Variants in MEGF10 observed in about 807,000 individuals in gnomAD.
MEGF10 encodes multiple epidermal growth factor-like domains protein 10.
In MEGF10, 86 loss-of-function variants were observed where a neutral mutation model predicts 147.5. That is an observed-to-expected ratio of 0.58 (90% confidence interval 0.49 to 0.70). MEGF10 has a LOEUF of 0.70. MEGF10 is among the 30% of genes least tolerant of loss of function. MEGF10 has a pLI of 0.00. For synonymous variants in MEGF10, 478 were observed against 525.5 expected, an observed-to-expected ratio of 0.91 and a Z score of 1.24; for missense variants, 1,329 against 1,487.3, an observed-to-expected ratio of 0.89 and a Z score of 1.75.
rs191468697 is a variant in MEGF10, at chr5:127,419,243, A to G, written c.1426+3A>G. Reference sequence around the variant, plus strand: ...CGGGTCTTGTACTTGCAAGGCAGGTAAGAATGGGTAAATAAGTCTTTAATT... The same window carrying G: ...CGGGTCTTGTACTTGCAAGGCAGGTGAGAATGGGTAAATAAGTCTTTAATT... On this transcript the variant is annotated splice_donor_region_variant and intron_variant, in intron 11 of 24. Coordinates refer to ENST00000503335, the MANE Select transcript of MEGF10 (RefSeq NM_001256545.2). The G allele has an allele frequency of 1.2e-6, 2 of 1,610,908 alleles. No homozygotes were observed. The highest frequency in any genetic ancestry group is 1.7e-5 in the Admixed American group (1 of 59,058).
chr5:127,430,065 A>G (rs1765343053), intron 13 of MEGF10, among the ~76,000 whole-genome samples: 1 of 151,980 alleles, frequency 6.6e-6, no homozygotes, highest in Non-Finnish European at 1.5e-5. Context: ...GAGCCTTGCC[A>G]CCACTGTTCC....
chr5:127,371,579 G>A (rs1336017541), intron 5 of MEGF10, among the ~76,000 whole-genome samples: 1 of 152,168 alleles, frequency 6.6e-6, no homozygotes, highest in African/African-American at 2.4e-5. Context: ...GGGCAAGAAT[G>A]CCACAGAATA....
intron 1 of MEGF10, among the ~76,000 whole-genome samples, chr5:127,318,103 T>C (rs1760636473): frequency 6.6e-6 from 1 of 152,144 alleles, no homozygotes; most frequent in Non-Finnish European, 1.5e-5. Flanking sequence ...AGTGCCCTTA[T>C]AAAAGAGACC....
chr5:127,383,600 C>T (rs922073201), intron 5 of MEGF10, among the ~76,000 whole-genome samples: 8 of 152,016 alleles, frequency 5.3e-5, no homozygotes, highest in Non-Finnish European at 8.8e-5. Flanking sequence ...TCTAAATACA[C>T]CCCCCAACAC....
rs181476848 is a variant in MEGF10, at chr5:127,422,139, A to G, written c.1591-531A>G. Among the ~76,000 whole-genome samples the G allele has an allele frequency of 1.7e-3, 257 of 152,316 alleles. 1 individual carries two copies. Among genetic ancestry groups the G allele is most frequent in the Non-Finnish European group, 3.1e-3 (212 of 68,024 alleles). ...ATATGTCCCAACCGTTGTGTCAGGC[A>G]TAAACTAGGGTTTGAGTGACTTTAA... On this transcript the variant is annotated intron_variant, in intron 12 of 24. Transcript: ENST00000503335.
intron 12 of MEGF10, 51 bp from the exon 13 acceptor site, chr5:127,422,618 TG>T: frequency 1.4e-6 from 2 of 1,427,544 alleles, no homozygotes; most frequent in Non-Finnish European, 2.0e-6. Context: ...CCTCTTCTGT[TG>T]TGGGATTTCC....
chr5:127,381,553 C>G (rs565069305), intron 5 of MEGF10, among the ~76,000 whole-genome samples: 2 of 152,154 alleles, frequency 1.3e-5, no homozygotes, highest in African/African-American at 2.4e-5. Context: ...GGCTACTGCC[C>G]GATTCTAATA....
chr5:127,391,098 GCGCGCACACACACACACACA>G (rs1294596033), intron 5 of MEGF10, among the ~76,000 whole-genome samples: 3 of 29,736 alleles, frequency 1.0e-4, no homozygotes, highest in African/African-American at 2.1e-4. Flanking sequence ...GCGCGCGCGC[GCGCGCACACACACACACACA>G]CACACACACA....
Position 127,410,484 on chromosome 5 carries a change from C to A in MEGF10, c.1013C>A (p.Ala338Glu), listed in dbSNP as rs934709669. 4 of 1,614,082 alleles carry A rather than the reference C, an allele frequency of 2.5e-6. No individual in the cohort carries two copies. The highest frequency in any genetic ancestry group is 3.4e-6 in the Non-Finnish European group (4 of 1,180,050). Reference protein sequence around the residue: ...NGGKCYHVSGACLCEAGFAGE... With the variant: ...NGGKCYHVSGECLCEAGFAGE... ...GGGAAGTGTTACCACGTGAGCGGCG[C>A]ATGCCTCTGTGAAGCAGGCTTTGCT... The change falls in exon 9 of 25, where the codon GCA (alanine) becomes GAA (glutamate). Residue 338 changes from alanine (A) to glutamate (E), a missense_variant. Transcript: ENST00000503335.
chr5:127,270,012 C>T, the MEGF10 span, among the ~76,000 whole-genome samples: 2 of 152,158 alleles, frequency 1.3e-5, no homozygotes, highest in African/African-American at 4.8e-5. Flanking sequence ...AAATAAAATC[C>T]TTTACAGACA....
At chr5:127,256,842 A>T in the MEGF10 span, among the ~76,000 whole-genome samples, 1 of 152,182 alleles carries the variant, frequency 6.6e-6, no homozygotes, top group Non-Finnish European at 1.5e-5. Flanking sequence ...TAAACTGATG[A>T]AAGGAAGATT....
the MEGF10 span, among the ~76,000 whole-genome samples, chr5:127,283,112 G>A: frequency 1.3e-5 from 2 of 152,092 alleles, no homozygotes; most frequent in Non-Finnish European, 2.9e-5. Context: ...TGTGTTACTT[G>A]AAAACAAGAA....
the MEGF10 span, among the ~76,000 whole-genome samples, chr5:127,247,420 A>G: frequency 1.5e-3 from 130 of 87,370 alleles, 26 homozygotes; most frequent in Middle Eastern, 6.0e-3. Flanking sequence ...GAAGAAGAAG[A>G]AGAAGAAGAA....
At chr5:127,456,897 G>A (rs560152746) in intron 24 of MEGF10, among the ~76,000 whole-genome samples, 4 of 152,226 alleles carry the variant, frequency 2.6e-5, no homozygotes, top group East Asian at 1.9e-4. Flanking sequence ...TCTTCATCCC[G>A]ATTATGTGGT....
chr5:127,305,574 G>A (rs1489455460), intron 1 of MEGF10, among the ~76,000 whole-genome samples: 1 of 151,918 alleles, frequency 6.6e-6, no homozygotes, highest in Non-Finnish European at 1.5e-5. Flanking sequence ...TTTGGTGAAG[G>A]CCAACCTGAA....
At chr5:127,320,144 C>CT (rs1300026254) in intron 1 of MEGF10, among the ~76,000 whole-genome samples, 7 of 152,254 alleles carry the variant, frequency 4.6e-5, no homozygotes, top group African/African-American at 1.7e-4. Flanking sequence ...ATGAAAGCTG[C>CT]TTTCCTGACT....
chr5:127,400,347 A>G (rs1470721462), intron 7 of MEGF10, among the ~76,000 whole-genome samples: 1 of 152,214 alleles, frequency 6.6e-6, no homozygotes, highest in Non-Finnish European at 1.5e-5. Context: ...AGGTTTGAGT[A>G]GGCCTGGCAG....
At position 127,396,882 on chromosome 5, in the gene MEGF10, G is replaced by T. The variant is rs941150824; in HGVS notation, c.659+104G>T. 1.5e-5 allele frequency: 22 copies of T among 1,505,820 alleles called. No homozygotes were observed. The African/African-American group carries it at 2.8e-4, about 19-fold the overall frequency. 93.3% of individuals were successfully genotyped at this position (1,505,820 alleles called of 1,614,324 possible). On this transcript the variant is annotated intron_variant, in intron 6 of 24. Transcript: ENST00000503335. Reference sequence around the variant, plus strand: ...TGTGCCTCAGTTTGCATTGCTGCCTGAAGAGTTACTGATGGGTCTAGGCTG... The same window carrying T: ...TGTGCCTCAGTTTGCATTGCTGCCTTAAGAGTTACTGATGGGTCTAGGCTG...
intron 1 of MEGF10, among the ~76,000 whole-genome samples, chr5:127,298,045 C>T (rs748255273): frequency 1.9e-4 from 29 of 152,170 alleles, no homozygotes; most frequent in Non-Finnish European, 3.4e-4. Flanking sequence ...TCATAAAATG[C>T]CACCAAATGT....
Sources: allele counts gnomAD v4.1 joint callset (sites outside exome capture counted in the v4.1 genomes callset), GRCh38; gene constraint gnomAD v4.1.1; transcripts MANE v1.5; gene names NCBI Gene and HGNC (gene_info 2026-07-23, HGNC 2026-07-21).